Variants in PLA2R1 observed in about 807,000 individuals in gnomAD.
PLA2R1 encodes secretory phospholipase A2 receptor.
PLA2R1 carries 158 observed loss-of-function variants against 195.9 expected under a neutral mutation model. That is an observed-to-expected ratio of 0.81 (90% confidence interval 0.71 to 0.92). The LOEUF is 0.92. PLA2R1 is among the 40% of genes least tolerant of loss of function. The probability of loss-of-function intolerance (pLI) is 0.00; values close to 1 mark genes in which losing one functional copy is unlikely to be tolerated. For synonymous variants in PLA2R1, 586 were observed against 598.2 expected (o/e 0.98, Z 0.30); for missense variants, 1,626 against 1,764.6 (o/e 0.92, Z 1.41).
intron 1 of PLA2R1, 64 bp from the exon 2 acceptor site, chr2:160,045,221 T>A: frequency 1.6e-6 from 2 of 1,264,868 alleles, no homozygotes; most frequent in Non-Finnish European, 2.2e-6. Context: ...GTCATGAGGA[T>A]CTCAGTGTGC....
chr2:160,000,140 G>C (rs768033457), intron 11 of PLA2R1, among the ~76,000 whole-genome samples: 3 of 152,100 alleles, frequency 2.0e-5, no homozygotes, highest in Non-Finnish European at 4.4e-5. Flanking sequence ...AGGGAAAGGA[G>C]ATGAAGCCTA....
rs1686828217 is a variant in PLA2R1 at position 159,936,260 on chromosome 2, A to G, written c.*5518T>C. On this transcript the variant is annotated 3_prime_UTR_variant, in exon 30 of 30. Coordinates refer to ENST00000283243, the MANE Select transcript of PLA2R1 (RefSeq NM_007366.5). ...GAGCCACCGCGCCCAGCCTAAAATTATTTTTTAAGAAGTCCCTGTGAACAT... is the reference window on the plus strand; with the variant it reads ...GAGCCACCGCGCCCAGCCTAAAATTGTTTTTTAAGAAGTCCCTGTGAACAT... 1 of 152,098 alleles carries G rather than the reference A, an allele frequency of 6.6e-6. No homozygotes were observed. Among genetic ancestry groups the G allele is most frequent in the Non-Finnish European group, 1.5e-5 (1 of 68,008 alleles). 9.4% of individuals were successfully genotyped at this position (152,098 alleles called of 1,614,324 possible).
chr2:159,957,847 A>G (rs913297021), intron 20 of PLA2R1, among the ~76,000 whole-genome samples: 1 of 152,176 alleles, frequency 6.6e-6, no homozygotes, highest in African/African-American at 2.4e-5. Context: ...AATTCCAGAG[A>G]GGTCAGGAGA....
chr2:159,991,244 C>G (rs1690768706), intron 11 of PLA2R1, among the ~76,000 whole-genome samples: 1 of 152,144 alleles, frequency 6.6e-6, no homozygotes. Context: ...TCTACTGTCA[C>G]ATTTTCACTT....
chr2:160,006,414 C>T (rs190633944), intron 10 of PLA2R1, among the ~76,000 whole-genome samples: 9 of 152,290 alleles, frequency 5.9e-5, no homozygotes, highest in Non-Finnish European at 1.0e-4. Context: ...TGCATGTTCA[C>T]TGAAGAAAAA....
rs759608609 is a variant in PLA2R1 at position 159,976,143 on chromosome 2, A to G, written c.2520T>C (p.Cys840=). 3.3e-5 allele frequency: 53 copies of G among 1,612,364 alleles called. No homozygotes were observed. In the Admixed American group the frequency reaches 8.2e-4, roughly 25 times the overall value. The change falls in exon 17 of 30, where the codon TGT becomes TGC. Residue 840 remains cysteine, a synonymous_variant. Transcript: ENST00000283243. The part of the protein sequence containing the change: ...ASEWLNFEFV[C]SWLHSDLLTI... ...TGAGAAGATCACTGTGCAGCCAGCT[A>G]CAGACAAACTCAAAGTTCAACCATT... is the stretch of plus-strand genomic sequence containing the variant.
intron 9 of PLA2R1, among the ~76,000 whole-genome samples, chr2:160,016,254 A>T (rs995942348): frequency 1.6e-5 from 2 of 126,352 alleles, no homozygotes; most frequent in Admixed American, 9.6e-5. Flanking sequence ...ACAAAGCAAG[A>T]CTCTGTCTCA....
intron 10 of PLA2R1, among the ~76,000 whole-genome samples, chr2:160,006,826 C>T (rs1270605372): frequency 1.3e-5 from 2 of 152,096 alleles, no homozygotes; most frequent in Non-Finnish European, 2.9e-5. Context: ...TGGCTTTTTT[C>T]GTTACTGTGC....
intron 9 of PLA2R1, among the ~76,000 whole-genome samples, 159 bp from the exon 10 acceptor site, chr2:160,013,534 A>G (rs1268006107): frequency 2.0e-5 from 3 of 152,184 alleles, no homozygotes; most frequent in Non-Finnish European, 2.9e-5. Context: ...TATTCTATCC[A>G]GTAATGCCAT....
intron 7 of PLA2R1, among the ~76,000 whole-genome samples, chr2:160,020,689 A>G (rs1693050813): frequency 6.6e-6 from 1 of 152,004 alleles, no homozygotes; most frequent in South Asian, 2.1e-4. Flanking sequence ...CCACCATGGG[A>G]CTCTGCAGAG....
At chr2:160,042,826 T>C (rs1177604948) in intron 2 of PLA2R1, among the ~76,000 whole-genome samples, 4 of 117,380 alleles carry the variant, frequency 3.4e-5, no homozygotes, top group African/African-American at 1.1e-4. Flanking sequence ...TGTGTGTGTG[T>C]GTGTGTGTGT....
At chr2:160,050,199 C>A (rs1019081887) in intron 1 of PLA2R1, among the ~76,000 whole-genome samples, 23 of 152,312 alleles carry the variant, frequency 1.5e-4, no homozygotes, top group African/African-American at 5.5e-4. Context: ...AAATTTAAGA[C>A]CCTGAACTGG....
chr2:160,062,537 C>A lies in PLA2R1; in HGVS notation c.-134G>T. 2 of 1,377,706 alleles carry A rather than the reference C, an allele frequency of 1.5e-6. No individual in the cohort carries two copies. Among genetic ancestry groups the A allele is most frequent in the Non-Finnish European group, 1.9e-6 (2 of 1,068,370 alleles). 85.3% of individuals were successfully genotyped at this position (1,377,706 alleles called of 1,614,324 possible). ...AGCCTCCTCCGCGCCCCACCCCCTCCGGGGGCCTTGCCAGCCCAGAGCCCT... is the reference window on the plus strand; with the variant it reads ...AGCCTCCTCCGCGCCCCACCCCCTCAGGGGGCCTTGCCAGCCCAGAGCCCT... On this transcript the variant is annotated 5_prime_UTR_variant, in exon 1 of 30. Coordinates refer to ENST00000283243, the MANE Select transcript of PLA2R1 (RefSeq NM_007366.5).
chr2:160,021,954 G>T (rs1302632135), intron 7 of PLA2R1, among the ~76,000 whole-genome samples: 1 of 151,928 alleles, frequency 6.6e-6, no homozygotes, highest in Admixed American at 6.6e-5. Flanking sequence ...CAGCCCACAG[G>T]GTTCTTTAAT....
intron 2 of PLA2R1, among the ~76,000 whole-genome samples, chr2:160,042,563 T>C (rs1694586344): frequency 2.0e-5 from 3 of 152,236 alleles, no homozygotes; most frequent in Admixed American, 2.0e-4. Context: ...TAAAGCTCAA[T>C]AGATTCATAG....
At chr2:160,039,978 G>T (rs1410694193) in intron 3 of PLA2R1, among the ~76,000 whole-genome samples, 2 of 151,672 alleles carry the variant, frequency 1.3e-5, no homozygotes. Flanking sequence ...TAGTATTAGA[G>T]CCATGTGAAG....
intron 3 of PLA2R1, 60 bp from the exon 4 acceptor site, chr2:160,033,192 T>A: frequency 7.6e-7 from 1 of 1,311,294 alleles, no homozygotes; most frequent in Non-Finnish European, 1.1e-6. Flanking sequence ...GCAACATATT[T>A]CTAAGGTAAG....
Position 159,934,464 on chromosome 2 carries a change from A to T in PLA2R1, c.*7314T>A, listed in dbSNP as rs865835718. ...TCTGAGACATGAGAGAAAAAATGTC[A>T]TATAGCAGTGGTCCTCAAACTTTTT... On this transcript the variant is annotated 3_prime_UTR_variant, in exon 30 of 30. Transcript: ENST00000283243. The T allele has an allele frequency of 6.6e-6, 1 of 152,214 alleles. No homozygotes were observed. Among genetic ancestry groups the T allele is most frequent in the South Asian group, 2.1e-4 (1 of 4,834 alleles). 9.4% of individuals were successfully genotyped at this position (152,214 alleles called of 1,614,324 possible).
rs1030873703 is a variant in PLA2R1, at chr2:160,022,471, G to A, written c.1294+194C>T. Among the ~76,000 whole-genome samples the A allele has an allele frequency of 3.9e-5, 6 of 152,116 alleles. No individual in the cohort carries two copies. In the East Asian group the frequency reaches 9.6e-4, roughly 24 times the overall value. ...TAATATATGTGGCATATATGAAGAT[G>A]TTACAAAGTTTCTGAACATGTATTT... On this transcript the variant is annotated intron_variant, in intron 7 of 29. Transcript: ENST00000283243.
Sources: allele counts gnomAD v4.1 joint callset (sites outside exome capture counted in the v4.1 genomes callset), GRCh38; gene constraint gnomAD v4.1.1; transcripts MANE v1.5; gene names NCBI Gene and HGNC (gene_info 2026-07-23, HGNC 2026-07-21).